Variants in KIF4A observed in about 807,000 individuals in gnomAD.
KIF4A encodes the protein kinesin family member 4A, also known as chromosome-associated kinesin KIF4A.
In KIF4A, 7 loss-of-function variants were observed where a neutral mutation model predicts 105.9. The ratio of observed to expected loss-of-function variants is 0.07; its 90% CI spans 0.04 to 0.12. KIF4A has a LOEUF of 0.12. Ranked by LOEUF, KIF4A falls within the 10% of genes least tolerant of loss-of-function variation. The probability of loss-of-function intolerance (pLI) is 1.00; values close to 1 mark genes in which losing one functional copy is unlikely to be tolerated. For missense variants in KIF4A, 558 were observed against 929.2 expected (o/e 0.60, Z 5.19); for synonymous variants, 281 against 331.3 (o/e 0.85, Z 1.65).
chrX:70,333,006 G>A (rs1475659357), intron 9 of KIF4A, among the ~76,000 whole-genome samples: 1 of 111,071 alleles, frequency 9.0e-6, no homozygotes, highest in African/African-American at 3.3e-5. Context: ...TTATATGTCC[G>A]TACGTTGTCT....
intron 7 of KIF4A, among the ~76,000 whole-genome samples, chrX:70,305,612 G>C (rs1197773952): frequency 1.8e-5 from 2 of 111,858 alleles, no homozygotes; most frequent in Non-Finnish European, 3.8e-5. Flanking sequence ...TGGACATTTG[G>C]GTTGTTTTCA....
intron 22 of KIF4A, among the ~76,000 whole-genome samples, chrX:70,398,314 A>T (rs2086268327): frequency 8.9e-6 from 1 of 112,519 alleles, no homozygotes; most frequent in Non-Finnish European, 1.9e-5. Context: ...CCAGGATTAC[A>T]GGTGTGAGCC....
intron 18 of KIF4A, among the ~76,000 whole-genome samples, chrX:70,381,213 A>G (rs1044185126): frequency 7.1e-5 from 8 of 112,189 alleles, no homozygotes; most frequent in African/African-American, 2.6e-4. Context: ...TTTATATACT[A>G]GCAATTAACA....
At position 70,373,614 on chromosome X, in the gene KIF4A, GTA is replaced by G. The variant is rs768661725; in HGVS notation, c.1675-528_1675-527del. ...TACGTATATATATACATATATACGT[GTA>G]TATATATACGTATATATATACATAT... On this transcript the variant is annotated intron_variant, in intron 15 of 30. Transcript: ENST00000374403. Among the ~76,000 whole-genome samples the G allele has an allele frequency of 9.3e-3, 24 of 2,569 alleles. 10 individuals are homozygous for G. Among genetic ancestry groups the G allele is most frequent in the East Asian group, 0.028 (1 of 36 alleles). 2.2% of individuals were successfully genotyped at this position (2,569 alleles called of 115,157 possible).
chrX:70,394,816 C>T (rs1310409768), intron 20 of KIF4A, among the ~76,000 whole-genome samples: 2 of 111,833 alleles, frequency 1.8e-5, no homozygotes, highest in Non-Finnish European at 3.8e-5. Flanking sequence ...TCCTTTTTAT[C>T]CCTAGTTTTA....
At chrX:70,359,765 G>A (rs2086067011) in intron 15 of KIF4A, among the ~76,000 whole-genome samples, 1 of 111,394 alleles carries the variant, frequency 9.0e-6, no homozygotes, top group Non-Finnish European at 1.9e-5. Flanking sequence ...TCATCCACTT[G>A]CATGCTACAA....
intron 29 of KIF4A, among the ~76,000 whole-genome samples, chrX:70,418,548 T>C (rs1185261082): frequency 9.0e-6 from 1 of 111,497 alleles, no homozygotes; most frequent in Non-Finnish European, 1.9e-5. Flanking sequence ...TTAACCTAAA[T>C]GTCCTCTTAA....
In KIF4A at chrX:70,333,723, C is replaced by A. The variant is rs778650409; in HGVS notation, c.1133+34C>A. 20 of 936,313 alleles carry A rather than the reference C, an allele frequency of 2.1e-5. No homozygotes were observed. The South Asian group carries it at 4.0e-4, about 19-fold the overall frequency. 77.2% of individuals were successfully genotyped at this position (936,313 alleles called of 1,213,427 possible). A position where few individuals can be genotyped will look rare whatever the true frequency, so the allele number is the denominator to read the frequency against. ...CATAGATTAATTTGAATTGTGTATT[C>A]TAATAGAGGCTATTTTTCCTAATAA... is the stretch of plus-strand genomic sequence containing the variant. On this transcript the variant is annotated intron_variant, in intron 10 of 30. Transcript: ENST00000374403.
chrX:70,314,102 G>A (rs1278674322), intron 7 of KIF4A, among the ~76,000 whole-genome samples: 1 of 111,688 alleles, frequency 9.0e-6, no homozygotes, highest in African/African-American at 3.3e-5. Flanking sequence ...ATCCCTATGA[G>A]CTTGCTAAGG....
At position 70,420,222 on chromosome X, in the gene KIF4A, G is replaced by C. The variant is rs369147441; in HGVS notation, c.3656G>C (p.Ser1219Thr). The C allele has an allele frequency of 3.5e-5, 42 of 1,208,813 alleles. No individual in the cohort carries two copies. In the Middle Eastern group the frequency reaches 9.9e-4, roughly 29 times the overall value. The change falls in exon 31 of 31, where the codon AGC becomes ACC. Residue 1219 changes from serine (S) to threonine (T), a missense_variant. Ser to Thr is a moderately conservative substitution (Grantham distance 58, BLOSUM62 1). This residue lies in a region of KIF4A where 469 missense variants were observed against 680.4 expected (regional missense o/e 0.69). Transcript: ENST00000374403. ...AAACGGGCTCTGGCCAGCAACACCAGCTTCTTCTCTGGCTGCTCCCCTATC... is the reference window on the plus strand; with the variant it reads ...AAACGGGCTCTGGCCAGCAACACCACCTTCTTCTCTGGCTGCTCCCCTATC... Reference protein sequence around the residue: ...KKKRALASNTSFFSGCSPIEE... With the variant: ...KKKRALASNTTFFSGCSPIEE...
At chrX:70,362,338 A>G in intron 15 of KIF4A, 1 of 299,544 alleles carries the variant, frequency 3.3e-6, no homozygotes. Context: ...TAGAGAGGGT[A>G]ATTCTCCTTG....
Position 70,406,296 on chromosome X carries a change from A to G in KIF4A, c.3014A>G (p.His1005Arg), listed in dbSNP as rs139379413. The change falls in exon 27 of 31, where the codon CAT becomes CGT. Residue 1005 changes from histidine (H) to arginine (R), a missense_variant. Physicochemically the swap from His to Arg is conservative, Grantham distance 29. Around this residue, in one of 2 missense-constraint regions of KIF4A, gnomAD observed 469 missense variants for 680.4 expected, o/e 0.69. Coordinates refer to ENST00000374403, the MANE Select transcript of KIF4A (RefSeq NM_012310.5). The stretch of plus-strand genomic sequence containing the variant: ...CTCCAGGTAGCCAGCAGACAGAAAC[A>G]TCTTCCTAAGGATACCCTTCTATCT... ...TLLQVASRQK[H>R]LPKDTLLSPD... 1.6e-4 allele frequency: 198 copies of G among 1,208,042 alleles called. No individual in the cohort carries two copies. In the East Asian group the frequency reaches 3.8e-3, roughly 23 times the overall value.
chrX:70,335,090 C>T (rs1029206037), intron 10 of KIF4A, among the ~76,000 whole-genome samples: 1 of 112,193 alleles, frequency 8.9e-6, no homozygotes, highest in African/African-American at 3.2e-5. Context: ...GATGTCTTCA[C>T]GACCATGTTC....
chrX:70,305,165 A>T (rs1854414218), intron 7 of KIF4A, among the ~76,000 whole-genome samples: 2 of 110,887 alleles, frequency 1.8e-5, no homozygotes, highest in South Asian at 7.6e-4. Context: ...CTTTTTTTTT[A>T]AAAGAATAAA....
chrX:70,397,965 AGAATTT>A (rs1201900146), intron 22 of KIF4A, among the ~76,000 whole-genome samples: 1 of 112,498 alleles, frequency 8.9e-6, no homozygotes, highest in Non-Finnish European at 1.9e-5. Context: ...GATTATGGTG[AGAATTT>A]TTACACCACA....
intron 11 of KIF4A, among the ~76,000 whole-genome samples, chrX:70,342,750 AG>A (rs1447934593): frequency 8.9e-6 from 1 of 112,173 alleles, no homozygotes; most frequent in Non-Finnish European, 1.9e-5. Context: ...AATGGGATAT[AG>A]GGGATTTTTA....
At chrX:70,347,304 G>A (rs1298610883) in intron 13 of KIF4A, among the ~76,000 whole-genome samples, 1 of 111,874 alleles carries the variant, frequency 8.9e-6, no homozygotes, top group Non-Finnish European at 1.9e-5. Flanking sequence ...CTTGGTTATA[G>A]TCTTAGAATC....
At chrX:70,328,456 T>C (rs750472513) in intron 7 of KIF4A, among the ~76,000 whole-genome samples, 2 of 111,951 alleles carry the variant, frequency 1.8e-5, no homozygotes, top group African/African-American at 6.5e-5. Flanking sequence ...CTCCTAAACG[T>C]CCCACCTCCT....
intron 20 of KIF4A, among the ~76,000 whole-genome samples, chrX:70,393,002 T>C (rs1322775736): frequency 9.2e-6 from 1 of 108,804 alleles, no homozygotes; most frequent in Admixed American, 9.9e-5. Flanking sequence ...ATTTTGGTCT[T>C]CTTTTTTTAC....
Sources: gnomAD v4.1 joint callset for allele counts (sites outside exome capture counted in the v4.1 genomes callset) on GRCh38, gnomAD v4.1.1 for gene constraint, gnomAD v4.1.1 regional missense constraint, MANE v1.5 for transcripts, NCBI Gene and HGNC (gene_info 2026-07-23, HGNC 2026-07-21) for gene names.